The following CCP110 variants were observed in gnomAD, a reference collection of about 807,000 sequenced individuals.
CCP110 encodes centriolar coiled-coil protein of 110 kDa.
A neutral mutation model predicts 105.5 loss-of-function variants in CCP110; 43 were observed. The ratio of observed to expected loss-of-function variants is 0.41; its 90% confidence interval spans 0.32 to 0.53. The LOEUF (loss-of-function observed/expected upper bound fraction) is 0.53. Among genes scored for constraint, CCP110 ranks in the 20% least tolerant of loss-of-function variants. CCP110 has a pLI of 0.32. For synonymous variants in CCP110, 353 were observed against 392.1 expected, an observed-to-expected ratio of 0.90 and a Z score of 1.18; for missense variants, 1,016 against 1,189.1, an observed-to-expected ratio of 0.85 and a Z score of 2.14.
At chr16:19,545,320 C>T (rs1467365595) in intron 10 of CCP110, 110 bp downstream of exon 10, 1 of 565,834 alleles carries the variant, frequency 1.8e-6, no homozygotes, top group East Asian at 2.9e-5. Flanking sequence ...TTCTTAAGCA[C>T]AAGTAATTCC....
intron 4 of CCP110, among the ~76,000 whole-genome samples, chr16:19,539,805 T>TC (rs919334917): frequency 6.6e-6 from 1 of 151,464 alleles, no homozygotes; most frequent in African/African-American, 2.4e-5. Flanking sequence ...GAAATTTCTT[T>TC]TTTTTTTTTT....
At chr16:19,536,046 G>A (rs768700653) in exon 4 of CCP110, 1 of 1,614,000 alleles carries the variant, frequency 6.2e-7, no homozygotes, top group East Asian at 2.2e-5. Context: ...TTTCCAAATA[G>A]CTTTCCAAGC....
At chr16:19,537,036 G>T (rs770190968) in exon 4 of CCP110, 1 of 1,614,202 alleles carries the variant, frequency 6.2e-7, no homozygotes, top group Admixed American at 1.7e-5. Flanking sequence ...GTGGTTTTAG[G>T]TAAATCAAAT....
At chr16:19,533,616 G>T (rs969865391) in intron 3 of CCP110, among the ~76,000 whole-genome samples, 39 of 152,288 alleles carry the variant, frequency 2.6e-4, no homozygotes, top group African/African-American at 9.1e-4. Context: ...CAATAAATCT[G>T]CATTTTACAT....
In CCP110 at chr16:19,548,342, TCTC is replaced by T. The variant is rs1970528301; in HGVS notation, c.2901-170_2901-168del. 1.7e-6 allele frequency: 1 copy of T among 586,362 alleles called. No individual in the cohort carries two copies. The highest frequency in any genetic ancestry group is 3.3e-5 in the Admixed American group (1 of 30,328). The allele number at this position is 586,362 out of a possible 1,614,324, so 36.3% of individuals were successfully genotyped here. ...AACAGAGTATGACTCGTGCTTATAGTCTCCTGCTGAAGCCAGAGTTTAGCTTTC... is the reference window on the plus strand; with the variant it reads ...AACAGAGTATGACTCGTGCTTATAGTCTGCTGAAGCCAGAGTTTAGCTTTC... On this transcript the variant is annotated intron_variant, in intron 13 of 14. Transcript: ENST00000381396. The surrounding 1 kb of genome is among the most constrained non-coding windows in gnomAD (Gnocchi z 4.1).
rs974712452 is a variant in CCP110 at position 19,548,304 on chromosome 16, G to A, written c.2901-211G>A. On this transcript the variant is annotated intron_variant, in intron 13 of 14. Transcript: ENST00000381396. This position sits in a 1 kb window ranked among gnomAD's most constrained non-coding sequence, Gnocchi z 4.1. ...TCCATATAGTAAATTCAGCATCACCGAAGTGATTCTCCAACAGAGTATGAC... is the reference window on the plus strand; with the variant it reads ...TCCATATAGTAAATTCAGCATCACCAAAGTGATTCTCCAACAGAGTATGAC... 57 of 574,186 alleles carry A rather than the reference G, an allele frequency of 9.9e-5. No individual in the cohort carries two copies. The highest frequency in any genetic ancestry group is 1.5e-4 in the Non-Finnish European group (50 of 326,800). The allele number at this position is 574,186 out of a possible 1,614,324, so 35.6% of individuals were successfully genotyped here. A position where few individuals can be genotyped will look rare whatever the true frequency, so the allele number is the denominator to read the frequency against.
intron 3 of CCP110, among the ~76,000 whole-genome samples, chr16:19,535,642 A>ATG (rs967651369): frequency 1.2e-4 from 19 of 152,182 alleles, no homozygotes; most frequent in Admixed American, 1.2e-3. Flanking sequence ...ATATGAATAT[A>ATG]TGTGTGTGTG....
At chr16:19,539,754 T>C (rs542196984) in intron 4 of CCP110, among the ~76,000 whole-genome samples, 178 of 152,142 alleles carry the variant, frequency 1.2e-3, no homozygotes, top group African/African-American at 4.1e-3. Flanking sequence ...GGCAAGAGGC[T>C]GCCTCAGTGA....
At chr16:19,541,637 AAG>A (rs1476344149) in intron 5 of CCP110, among the ~76,000 whole-genome samples, 1 of 122,488 alleles carries the variant, frequency 8.2e-6, no homozygotes, top group East Asian at 2.8e-4. Context: ...TGAAACAAGA[AAG>A]AGAGAGAGAG....
chr16:19,544,322 A>C (rs1168189425), intron 8 of CCP110, among the ~76,000 whole-genome samples: 2 of 152,160 alleles, frequency 1.3e-5, no homozygotes, highest in Non-Finnish European at 2.9e-5. Context: ...CTTGAAAGTG[A>C]GTGGTTTGAC....
chr16:19,538,768 C>T (rs1445150529), intron 4 of CCP110, among the ~76,000 whole-genome samples: 1 of 152,026 alleles, frequency 6.6e-6, no homozygotes, highest in Non-Finnish European at 1.5e-5. Context: ...ACTTTAACAT[C>T]AAATTATTAG....
At chr16:19,552,147 A>G (rs1389463154) in exon 15 of CCP110, 1 of 152,172 alleles carries the variant, frequency 6.6e-6, no homozygotes, top group Non-Finnish European at 1.5e-5. Flanking sequence ...ATAAATCCAG[A>G]TTTCCGGATA....
chr16:19,542,184 C>T, intron 6 of CCP110, 120 bp downstream of exon 6: 1 of 661,774 alleles, frequency 1.5e-6, no homozygotes, highest in South Asian at 2.3e-5. Flanking sequence ...CCCTCTTTGC[C>T]AGCTGCTTAG....
chr16:19,532,652 C>A (rs1969915653), intron 3 of CCP110, 108 bp downstream of exon 3: 1 of 877,406 alleles, frequency 1.1e-6, no homozygotes, highest in Non-Finnish European at 1.7e-6. Flanking sequence ...ATGTACTTTA[C>A]TGTTACGTTT....
At chr16:19,541,990 T>C (rs752473226) in exon 6 of CCP110, 13 of 1,612,386 alleles carry the variant, frequency 8.1e-6, no homozygotes, top group South Asian at 2.2e-5. Flanking sequence ...TGGAGAAAAA[T>C]AAGTGACTCT....
At chr16:19,527,701 G>C (rs1597248051) in intron 1 of CCP110, 166 bp from the exon 2 acceptor site, 2 of 425,186 alleles carry the variant, frequency 4.7e-6, no homozygotes, top group East Asian at 7.0e-5. Flanking sequence ...TTCTTGAGGT[G>C]AATTACCATA....
At chr16:19,536,764 T>C in exon 4 of CCP110, 2 of 1,614,146 alleles carry the variant, frequency 1.2e-6, no homozygotes, top group Non-Finnish European at 1.7e-6. Context: ...CCAAATTACC[T>C]AGTCCAGAGC....
At chr16:19,536,315 T>C in exon 4 of CCP110, 1 of 1,613,188 alleles carries the variant, frequency 6.2e-7, no homozygotes, top group Non-Finnish European at 8.5e-7. Flanking sequence ...TCTACCACTT[T>C]TGGCAGAAGT....
In CCP110 at chr16:19,548,728, C is replaced by G; in HGVS notation, c.2986+128C>G. On this transcript the variant is annotated intron_variant, in intron 14 of 14. Transcript: ENST00000381396. This position sits in a 1 kb window ranked among gnomAD's most constrained non-coding sequence, Gnocchi z 4.1. ...ACCATAATTTTGGCATATTCACAGT[C>G]ATCTTATTAGTGTTCTTTGGTCTTA... 1 of 605,314 alleles carries G rather than the reference C, an allele frequency of 1.7e-6. No homozygotes were observed. Among genetic ancestry groups the G allele is most frequent in the Non-Finnish European group, 2.9e-6 (1 of 346,848 alleles). The allele number at this position is 605,314 out of a possible 1,614,324, so 37.5% of individuals were successfully genotyped here. A position where few individuals can be genotyped will look rare whatever the true frequency, so the allele number is the denominator to read the frequency against.
Sources: gnomAD v4.1 joint callset for allele counts (sites outside exome capture counted in the v4.1 genomes callset) on GRCh38, gnomAD v4.1.1 for gene constraint, Gnocchi (gnomAD v3.1) non-coding constraint, MANE v1.5 for transcripts, NCBI Gene and HGNC (gene_info 2026-07-23, HGNC 2026-07-21) for gene names.